Variants in BBX observed in about 807,000 individuals in gnomAD.
BBX encodes BBX high mobility group box domain containing.
A neutral mutation model predicts 100.2 loss-of-function variants in BBX; 30 were observed. The observed-to-expected ratio is 0.30, with a 90% CI of 0.22 to 0.41. The LOEUF is 0.41. Ranked by LOEUF, BBX falls within the 10% of genes least tolerant of loss-of-function variation. The probability of loss-of-function intolerance (pLI) is 1.00; values close to 1 mark genes in which losing one functional copy is unlikely to be tolerated. For missense variants in BBX, 1,023 were observed against 1,129.8 expected, an observed-to-expected ratio of 0.91 and a Z score of 1.35; for synonymous variants, 376 against 388.1, an observed-to-expected ratio of 0.97 and a Z score of 0.37.
chr3:107,729,510 G>A (rs1239301441), intron 6 of BBX, among the ~76,000 whole-genome samples: 3 of 152,130 alleles, frequency 2.0e-5, no homozygotes, highest in Non-Finnish European at 4.4e-5. Flanking sequence ...AATTCCAGAT[G>A]GTGCCATTTG....
chr3:107,649,165 G>A (rs1448020478), intron 3 of BBX, among the ~76,000 whole-genome samples: 2 of 152,182 alleles, frequency 1.3e-5, no homozygotes, highest in Non-Finnish European at 2.9e-5. Context: ...ACCATTACAA[G>A]AATGGCATGG....
intron 11 of BBX, among the ~76,000 whole-genome samples, chr3:107,774,420 TCCCATA>T (rs1243991700): frequency 6.6e-6 from 1 of 152,160 alleles, no homozygotes; most frequent in Non-Finnish European, 1.5e-5. Flanking sequence ...AGCAAAGGAC[TCCCATA>T]CCTTGGCTGG....
chr3:107,648,566 C>G (rs534641728), intron 3 of BBX, among the ~76,000 whole-genome samples: 1 of 152,100 alleles, frequency 6.6e-6, no homozygotes, highest in South Asian at 2.1e-4. Flanking sequence ...CTAGATATAA[C>G]GGGAGCCAAA....
chr3:107,801,034 A>C, intron 16 of BBX, 61 bp from the exon 17 acceptor site: 1 of 1,505,238 alleles, frequency 6.6e-7, no homozygotes, highest in South Asian at 1.2e-5. Flanking sequence ...AGCGTTTTCT[A>C]TGTCTCTTCT....
At chr3:107,777,537 G>C (rs1189006746) in intron 12 of BBX, among the ~76,000 whole-genome samples, 1 of 152,130 alleles carries the variant, frequency 6.6e-6, no homozygotes, top group East Asian at 1.9e-4. Flanking sequence ...CATCTGTCTA[G>C]GTTGCATGTT....
At chr3:107,526,456 G>C (rs1413587701) in intron 2 of BBX, 58 bp downstream of exon 2, 2 of 397,970 alleles carry the variant, frequency 5.0e-6, no homozygotes, top group African/African-American at 2.1e-5. Flanking sequence ...ATGACATAAG[G>C]GTCTTTATTG....
At chr3:107,685,776 C>T (rs1351977772) in intron 3 of BBX, among the ~76,000 whole-genome samples, 1 of 152,240 alleles carries the variant, frequency 6.6e-6, no homozygotes, top group Non-Finnish European at 1.5e-5. Flanking sequence ...GTAAAACTCT[C>T]AGTGCAGATT....
intron 3 of BBX, chr3:107,661,845 C>T: frequency 1.0e-6 from 1 of 984,930 alleles, no homozygotes; most frequent in Non-Finnish European, 1.2e-6. Context: ...CAGGAAGACC[C>T]CAAGCCTCTA....
chr3:107,632,518 T>C (rs1000353440), intron 2 of BBX, among the ~76,000 whole-genome samples: 1 of 152,246 alleles, frequency 6.6e-6, no homozygotes, highest in South Asian at 2.1e-4. Flanking sequence ...TGGAATTTTC[T>C]TTTATTGCTT....
chr3:107,523,587 A>G, intron 1 of BBX: 1 of 152,124 alleles, frequency 6.6e-6, no homozygotes, highest in African/African-American at 2.4e-5. Context: ...AAACAACAAC[A>G]GAGCCCTCAC....
At chr3:107,535,888 C>A (rs2048461369) in intron 2 of BBX, among the ~76,000 whole-genome samples, 1 of 152,270 alleles carries the variant, frequency 6.6e-6, no homozygotes, top group South Asian at 2.1e-4. Context: ...CGTGAGCCAC[C>A]ACACCCAGCC....
At chr3:107,654,528 C>G (rs941236165) in intron 3 of BBX, among the ~76,000 whole-genome samples, 1 of 151,902 alleles carries the variant, frequency 6.6e-6, no homozygotes, top group Non-Finnish European at 1.5e-5. Flanking sequence ...CTTTTACTTT[C>G]GAATACTTAT....
intron 2 of BBX, among the ~76,000 whole-genome samples, chr3:107,566,175 CAAAAAAA>C (rs754905445): frequency 7.5e-5 from 4 of 53,060 alleles, no homozygotes; most frequent in South Asian, 1.2e-3. Flanking sequence ...AACTCTGTCT[CAAAAAAA>C]AAAAAAAAAA....
chr3:107,776,552 G>A (rs1236391730), intron 12 of BBX, among the ~76,000 whole-genome samples: 1 of 152,044 alleles, frequency 6.6e-6, no homozygotes, highest in Non-Finnish European at 1.5e-5. Flanking sequence ...ACTTAAGCAG[G>A]GAGAAATGCC....
chr3:107,571,542 G>C (rs2051364289), intron 2 of BBX, among the ~76,000 whole-genome samples: 2 of 152,174 alleles, frequency 1.3e-5, no homozygotes, highest in African/African-American at 4.8e-5. Flanking sequence ...AGAGAGGCTG[G>C]AGAAGAGAGT....
intron 2 of BBX, among the ~76,000 whole-genome samples, chr3:107,532,072 G>A (rs527927874): frequency 2.0e-5 from 3 of 152,054 alleles, no homozygotes; most frequent in Admixed American, 1.3e-4. Flanking sequence ...GTGTGTGCCT[G>A]TAGGCCCAGC....
intron 2 of BBX, among the ~76,000 whole-genome samples, chr3:107,623,428 T>G (rs1232047155): frequency 1.3e-5 from 2 of 152,236 alleles, no homozygotes; most frequent in Non-Finnish European, 2.9e-5. Context: ...TCAAATTTTG[T>G]TGTTCTTCCT....
chr3:107,785,809 G>A lies in BBX; in HGVS notation c.2204-3978G>A, dbSNP rs574484544. 1.3e-3 allele frequency among the ~76,000 whole-genome samples: 193 copies of A among 152,086 alleles called. 1 individual carries two copies. Among genetic ancestry groups the A allele is most frequent in the Non-Finnish European group, 1.0e-3 (70 of 67,906 alleles). On this transcript the variant is annotated intron_variant, in intron 13 of 17. Coordinates refer to ENST00000325805, the MANE Select transcript of BBX (RefSeq NM_001142568.3). Reference sequence around the variant, plus strand: ...CACTCTCACCACTTATTCAACATTGGACTAGAGGTTCTAGCCAGGGCAATT... The same window carrying A: ...CACTCTCACCACTTATTCAACATTGAACTAGAGGTTCTAGCCAGGGCAATT...
chr3:107,590,207 T>G (rs1204973537), intron 2 of BBX, among the ~76,000 whole-genome samples: 1 of 152,202 alleles, frequency 6.6e-6, no homozygotes, highest in African/African-American at 2.4e-5. Context: ...GTGCATTTAT[T>G]AACATGGTTA....
Sources: gnomAD v4.1 joint callset for allele counts (sites outside exome capture counted in the v4.1 genomes callset) on GRCh38, gnomAD v4.1.1 for gene constraint, MANE v1.5 for transcripts, NCBI Gene and HGNC (gene_info 2026-07-23, HGNC 2026-07-21) for gene names.